The following ANKFN1 variants were observed in gnomAD, a reference collection of about 807,000 sequenced individuals.
ANKFN1 encodes the protein ankyrin repeat and fibronectin type-III domain-containing protein 1.
A neutral mutation model predicts 108.7 loss-of-function variants in ANKFN1; 74 were observed. The ratio of observed to expected loss-of-function variants is 0.68; its 90% CI spans 0.56 to 0.83. The LOEUF (loss-of-function observed/expected upper bound fraction) is 0.83, where lower values mean the gene tolerates loss of function less well. Among genes scored for constraint, ANKFN1 ranks in the 40% least tolerant of loss-of-function variants. The probability of loss-of-function intolerance (pLI) is 0.00; values close to 1 mark genes in which losing one functional copy is unlikely to be tolerated. For synonymous variants in ANKFN1, 547 were observed against 516.2 expected (o/e 1.06, Z -0.81); for missense variants, 1,505 against 1,382.3 (o/e 1.09, Z -1.41).
At chr17:56,267,674 T>C (rs2043687354) in intron 3 of ANKFN1, among the ~76,000 whole-genome samples, 1 of 152,208 alleles carries the variant, frequency 6.6e-6, no homozygotes, top group South Asian at 2.1e-4. Flanking sequence ...TGCTTGTTAT[T>C]GTCAACTTTG....
chr17:56,373,941 G>T (rs1053839040), intron 7 of ANKFN1, among the ~76,000 whole-genome samples: 1 of 152,150 alleles, frequency 6.6e-6, no homozygotes, highest in Non-Finnish European at 1.5e-5. Context: ...GCCATCAGGA[G>T]TCCTTTAAAA....
upstream of ANKFN1, among the ~76,000 whole-genome samples, chr17:56,153,292 T>C (rs1218287706): frequency 6.6e-6 from 1 of 152,230 alleles, no homozygotes; most frequent in African/African-American, 2.4e-5. Context: ...GATTTCTTTG[T>C]CACCAAGCCT....
In ANKFN1 at chr17:56,511,137, C is replaced by A. The variant is rs1452908005; in HGVS notation, c.3309C>A (p.Asp1103Glu). Residue 1103 changes from aspartate to glutamate, a missense_variant, in exon 21 of 21, where the codon GAC (aspartate) becomes GAA (glutamate). By Grantham distance (45) the Asp-to-Glu change is conservative. Transcript: ENST00000682825. ...ACGCAGCGGCCGTGGTGGCCCAGGACGAAAAACCATGGGCAAGCTTGAGCC... is the reference window on the plus strand; with the variant it reads ...ACGCAGCGGCCGTGGTGGCCCAGGAAGAAAAACCATGGGCAAGCTTGAGCC... ...EPYAAAVVAQ[D>E]EKPWASLSPP... 6.5e-7 allele frequency: 1 copy of A among 1,536,024 alleles called. No individual in the cohort carries two copies. Among genetic ancestry groups the A allele is most frequent in the Admixed American group, 2.0e-5 (1 of 51,010 alleles).
At chr17:56,428,132 G>A (rs1044372392) in intron 8 of ANKFN1, among the ~76,000 whole-genome samples, 1 of 151,918 alleles carries the variant, frequency 6.6e-6, no homozygotes, top group African/African-American at 2.4e-5. Context: ...TACTCAGGAG[G>A]CTGAGGCATG....
In ANKFN1 at chr17:56,153,481, C is replaced by T. The variant is rs147675959; in HGVS notation, c.-120C>T. ...TCCCTCCACCCCCCAGGTCCTCTTTCAACTCAAGAGCTCAGTCCTGTGTCT... is the reference window on the plus strand; with the variant it reads ...TCCCTCCACCCCCCAGGTCCTCTTTTAACTCAAGAGCTCAGTCCTGTGTCT... On this transcript the variant is annotated 5_prime_UTR_variant, in exon 1 of 21. Transcript: ENST00000682825. 1,374 of 1,613,948 alleles carry T rather than the reference C, an allele frequency of 8.5e-4. 4 individuals carry two copies. Among genetic ancestry groups the T allele is most frequent in the Admixed American group, 1.6e-3 (98 of 60,024 alleles).
chr17:56,469,225 C>T (rs188229033), intron 15 of ANKFN1, among the ~76,000 whole-genome samples: 1 of 152,020 alleles, frequency 6.6e-6, no homozygotes, highest in East Asian at 1.9e-4. Flanking sequence ...CCCACCCACC[C>T]CCACTCTCCC....
chr17:56,266,539 C>G (rs1195444902), intron 3 of ANKFN1, among the ~76,000 whole-genome samples: 2 of 152,206 alleles, frequency 1.3e-5, no homozygotes, highest in African/African-American at 4.8e-5. Flanking sequence ...AGTCCTTAAG[C>G]CTATCTATCC....
chr17:56,394,978 A>G (rs2047536646), intron 8 of ANKFN1, among the ~76,000 whole-genome samples: 1 of 152,204 alleles, frequency 6.6e-6, no homozygotes. Flanking sequence ...TGAAACAAAA[A>G]TAATCACCCT....
chr17:56,457,995 T>G lies in ANKFN1; in HGVS notation c.1557+16T>G. ...ACAGCTACAGGTAAGGGACCAGGTT[T>G]CAACCCAGGCCCCCAAGGAAAATAT... is the stretch of plus-strand genomic sequence containing the variant. On this transcript the variant is annotated intron_variant, in intron 14 of 20. Transcript: ENST00000682825. 6.2e-7 allele frequency: 1 copy of G among 1,601,718 alleles called. No individual in the cohort carries two copies. The highest frequency in any genetic ancestry group is 8.6e-7 in the Non-Finnish European group (1 of 1,169,240).
chr17:56,222,158 C>A (rs1270325114), intron 2 of ANKFN1, among the ~76,000 whole-genome samples: 2 of 152,170 alleles, frequency 1.3e-5, no homozygotes, highest in Non-Finnish European at 2.9e-5. Flanking sequence ...CCAAAAGACT[C>A]TTTTTGTGTA....
At chr17:56,354,148 A>G in intron 6 of ANKFN1, 102 bp downstream of exon 6, 1 of 1,110,160 alleles carries the variant, frequency 9.0e-7, no homozygotes, top group Admixed American at 2.1e-5. Context: ...ATGGTTGACT[A>G]AGCATAGACT....
chr17:56,373,789 G>T (rs548228695), intron 7 of ANKFN1, among the ~76,000 whole-genome samples: 2 of 152,190 alleles, frequency 1.3e-5, no homozygotes, highest in African/African-American at 4.8e-5. Flanking sequence ...GAGATTCAGC[G>T]CTTGCTTTAA....
At chr17:56,056,977 C>T (rs1233393288) in intron 4 of ANKFN1, among the ~76,000 whole-genome samples, 1 of 152,230 alleles carries the variant, frequency 6.6e-6, no homozygotes, top group Non-Finnish European at 1.5e-5. Flanking sequence ...AACCCTGCTA[C>T]TGCTTTATCA....
intron 3 of ANKFN1, among the ~76,000 whole-genome samples, chr17:56,317,283 C>T (rs2045237304): frequency 6.6e-6 from 1 of 152,152 alleles, no homozygotes; most frequent in South Asian, 2.1e-4. Flanking sequence ...CAAGAACATT[C>T]CAGTTGCTGT....
chr17:56,492,719 T>G (rs192352245), intron 19 of ANKFN1, among the ~76,000 whole-genome samples: 2 of 152,244 alleles, frequency 1.3e-5, no homozygotes, highest in East Asian at 3.9e-4. Flanking sequence ...TAATTCAATA[T>G]CTCAGAGAAA....
intron 4 of ANKFN1, among the ~76,000 whole-genome samples, chr17:56,123,447 G>A (rs1906739546): frequency 6.6e-6 from 1 of 152,224 alleles, no homozygotes; most frequent in African/African-American, 2.4e-5. Flanking sequence ...GAAAGTGAGG[G>A]AGAGTGCTCT....
intron 18 of ANKFN1, among the ~76,000 whole-genome samples, chr17:56,490,816 G>A (rs1399669766): frequency 6.6e-6 from 1 of 152,010 alleles, no homozygotes; most frequent in Non-Finnish European, 1.5e-5. Flanking sequence ...TCCTTGAAAT[G>A]AGGCATAGCT....
chr17:56,168,023 T>G (rs1276273345), intron 1 of ANKFN1, among the ~76,000 whole-genome samples: 1 of 152,022 alleles, frequency 6.6e-6, no homozygotes, highest in African/African-American at 2.4e-5. Context: ...TGCCAGCACT[T>G]TGGGAGGCAA....
At chr17:56,170,807 T>TATACACACACACACACACACACACAC (rs1361307404) in intron 1 of ANKFN1, among the ~76,000 whole-genome samples, 11 of 61,458 alleles carry the variant, frequency 1.8e-4, no homozygotes, top group South Asian at 9.2e-4. Context: ...TATATATATA[T>TATACACACACACACACACACACACAC]ACACACACAC....
Sources: allele counts gnomAD v4.1 joint callset (sites outside exome capture counted in the v4.1 genomes callset), GRCh38; gene constraint gnomAD v4.1.1; transcripts MANE v1.5; gene names NCBI Gene and HGNC (gene_info 2026-07-23, HGNC 2026-07-21).